The following B4GALNT2 variants were observed in gnomAD, a reference collection of about 807,000 sequenced individuals.
B4GALNT2 encodes beta-1,4-N-acetyl-galactosaminyltransferase 2 (SID blood group).
A neutral mutation model predicts 51.1 loss-of-function variants in B4GALNT2; 42 were observed. The observed-to-expected ratio is 0.82, with a 90% CI of 0.64 to 1.06. The LOEUF is 1.06. B4GALNT2 is among the 50% of genes least tolerant of loss of function. The pLI is 0.00. For missense variants in B4GALNT2, 602 were observed against 633.6 expected (o/e 0.95, Z 0.54); for synonymous variants, 253 against 251.7 (o/e 1.01, Z -0.05).
At chr17:49,123,304 AGCACCT>A in the B4GALNT2 span, among the ~76,000 whole-genome samples, 2 of 152,254 alleles carry the variant, frequency 1.3e-5, no homozygotes, top group African/African-American at 4.8e-5. Flanking sequence ...GCTTATAGGC[AGCACCT>A]GCTCAAACAG....
In B4GALNT2 at chr17:49,142,043, C is replaced by T. The variant is rs201539211; in HGVS notation, c.224C>T (p.Pro75Leu). 44 of 1,614,036 alleles carry T rather than the reference C, an allele frequency of 2.7e-5. No individual in the cohort carries two copies. The highest frequency in any genetic ancestry group is 8.0e-5 in the African/African-American group (6 of 75,020). Residue 75 changes from proline to leucine, a missense_variant, in exon 3 of 11, where the codon CCG becomes CTG. By Grantham distance (98) the Pro-to-Leu change is moderately conservative (BLOSUM62 -3). Transcript: ENST00000393354. ...CCTCTTGCTTGTTTCAGGCTGTTCC[C>T]GAAAAATCAGTGCAAATGTGAAGCC... is the stretch of plus-strand genomic sequence containing the variant. Reference protein sequence around the residue: ...LFSYDGIWLFPKNQCKCEANK... With the variant: ...LFSYDGIWLFLKNQCKCEANK...
chr17:49,145,145 C>T (rs1598202068), intron 3 of B4GALNT2, among the ~76,000 whole-genome samples: 2 of 152,138 alleles, frequency 1.3e-5, no homozygotes, highest in Admixed American at 6.5e-5. Context: ...TCAATCCAAT[C>T]GAATTGACAT....
At chr17:49,151,746 A>C (rs80251200) in intron 3 of B4GALNT2, among the ~76,000 whole-genome samples, 119 of 125,188 alleles carry the variant, frequency 9.5e-4, no homozygotes, top group Middle Eastern at 8.8e-3. Flanking sequence ...CTCTGTCACA[A>C]AAAAAAAAAA....
rs563679667 is a variant in B4GALNT2, at chr17:49,176,347, C to G, written c.*6619C>G. On this transcript the variant is annotated 3_prime_UTR_variant, in exon 11 of 11. Transcript: ENST00000393354. ...AAAGCCCCGAACAGAGTTTGACTCA[C>G]ATGTTTATTGACAGCAAGCCAGTGA... The G allele has an allele frequency of 6.6e-6, 1 of 152,228 alleles. No individual in the cohort carries two copies. The highest frequency in any genetic ancestry group is 1.5e-5 in the Non-Finnish European group (1 of 68,046). 9.4% of individuals were successfully genotyped at this position (152,228 alleles called of 1,614,324 possible).
chr17:49,140,179 C>T lies in B4GALNT2; in HGVS notation c.15-1068C>T, dbSNP rs892550194. ...GCAGTGGCGTGATCTCAGCTCACTG[C>T]GACCTCCGCCTCCCAGGTTCACACC... On this transcript the variant is annotated intron_variant, in intron 1 of 10. Transcript: ENST00000393354. Among the ~76,000 whole-genome samples, 7 of 151,688 alleles carry T rather than the reference C, an allele frequency of 4.6e-5. No individual in the cohort carries two copies. The East Asian group carries it at 5.8e-4, about 13-fold the overall frequency.
intron 3 of B4GALNT2, among the ~76,000 whole-genome samples, chr17:49,150,235 C>T (rs9910257): frequency 2.7e-4 from 28 of 103,954 alleles, no homozygotes; most frequent in Non-Finnish European, 4.2e-4. Flanking sequence ...CCGCCCCGTC[C>T]GGGAGGGAGG....
chr17:49,125,682 C>T, the B4GALNT2 span, among the ~76,000 whole-genome samples: 4 of 120,922 alleles, frequency 3.3e-5, no homozygotes, highest in East Asian at 2.1e-4. Context: ...GCCCTGTGGC[C>T]GCCCCGTCTG....
At chr17:49,124,777 A>T in the B4GALNT2 span, among the ~76,000 whole-genome samples, 1 of 152,224 alleles carries the variant, frequency 6.6e-6, no homozygotes, top group Non-Finnish European at 1.5e-5. Context: ...AAAAATCTTT[A>T]AAAATAGTCT....
chr17:49,141,297 G>A lies in B4GALNT2; in HGVS notation c.65G>A (p.Gly22Asp), dbSNP rs372936734. Residue 22 changes from glycine (G) to aspartate (D), a missense_variant, in exon 2 of 11, where the codon GGC becomes GAC. Gly to Asp is a moderately conservative substitution (Grantham distance 94, BLOSUM62 -1). Coordinates refer to ENST00000393354, the MANE Select transcript of B4GALNT2 (RefSeq NM_001159387.2). The stretch of plus-strand genomic sequence containing the variant: ...ATATTGGTCATAATCCTGGTACTTG[G>A]CATTGTTGGATTTATGTTCGGAAGC... ...LKILVIILVLGIVGFMFGSMF... is the reference protein window; with the variant it reads ...LKILVIILVLDIVGFMFGSMF... 4 of 1,614,044 alleles carry A rather than the reference G, an allele frequency of 2.5e-6. No homozygotes were observed. The South Asian group carries it at 3.3e-5, about 13-fold the overall frequency.
At position 49,150,397 on chromosome 17, in the gene B4GALNT2, T is replaced by C. The variant is rs372692422; in HGVS notation, c.354-2403T>C. Among the ~76,000 whole-genome samples the C allele has an allele frequency of 2.5e-3, 379 of 151,870 alleles. 4 individuals are homozygous for C. Among genetic ancestry groups the C allele is most frequent in the African/African-American group, 8.7e-3 (361 of 41,342 alleles). On this transcript the variant is annotated intron_variant, in intron 3 of 10. Transcript: ENST00000393354. ...CTGGGAAGTGAGGAGCCCCTCTGCC[T>C]GGCCACCACCCCGTCTGGGAGGTGT...
At chr17:49,136,512 A>G (rs1301537160) in intron 1 of B4GALNT2, among the ~76,000 whole-genome samples, 1 of 150,134 alleles carries the variant, frequency 6.7e-6, no homozygotes, top group Non-Finnish European at 1.5e-5. Flanking sequence ...AAGCTCTCAC[A>G]TTAGAGTTTA....
chr17:49,126,124 C>T, the B4GALNT2 span, among the ~76,000 whole-genome samples: 2 of 152,122 alleles, frequency 1.3e-5, no homozygotes, highest in Non-Finnish European at 2.9e-5. Flanking sequence ...AAGAAGTAGA[C>T]ATGGGAAACT....
chr17:49,139,366 G>A (rs1340337311), intron 1 of B4GALNT2, among the ~76,000 whole-genome samples: 1 of 152,008 alleles, frequency 6.6e-6, no homozygotes, highest in Admixed American at 6.5e-5. Flanking sequence ...AGCCTCCCAA[G>A]TAGCTGGGAC....
intron 3 of B4GALNT2, among the ~76,000 whole-genome samples, chr17:49,147,026 G>C (rs979475853): frequency 6.6e-6 from 1 of 152,138 alleles, no homozygotes. Flanking sequence ...TACATTCTTC[G>C]TTACATGTTG....
At chr17:49,136,821 A>G (rs2042595240) in intron 1 of B4GALNT2, among the ~76,000 whole-genome samples, 1 of 152,126 alleles carries the variant, frequency 6.6e-6, no homozygotes, top group Admixed American at 6.6e-5. Context: ...TGCTGGGATT[A>G]CAGGCGTGAA....
intron 1 of B4GALNT2, among the ~76,000 whole-genome samples, chr17:49,137,818 A>T (rs763641940): frequency 5.3e-5 from 8 of 152,184 alleles, no homozygotes; most frequent in African/African-American, 1.9e-4. Flanking sequence ...TATTAAAGAC[A>T]TGTGCTTCCA....
chr17:49,143,334 T>A (rs914437275), intron 3 of B4GALNT2, among the ~76,000 whole-genome samples: 2 of 151,038 alleles, frequency 1.3e-5, no homozygotes, highest in African/African-American at 4.9e-5. Flanking sequence ...GGGCTGAACT[T>A]GATTCTGCCT....
At position 49,168,711 on chromosome 17, in the gene B4GALNT2, C is replaced by T; in HGVS notation, c.1126C>T (p.Gln376Ter). 1 of 1,614,008 alleles carries T rather than the reference C, an allele frequency of 6.2e-7. No individual in the cohort carries two copies. Residue 376 changes from glutamine to a stop codon, truncating the protein, a stop_gained, in exon 10 of 11, where the codon CAG (glutamine) becomes TAG (stop). Coordinates refer to ENST00000393354, the MANE Select transcript of B4GALNT2 (RefSeq NM_001159387.2). LOFTEE classifies it high-confidence loss of function. ...VGGSVLGNVF[Q>*]FKLLLEQSEN... ...CGGCAGTGTGCTGGGAAATGTGTTC[C>T]AGTTTAAGTTGTTGCTGGAACAGAG... is the stretch of plus-strand genomic sequence containing the variant.
the B4GALNT2 span, among the ~76,000 whole-genome samples, chr17:49,125,145 G>C: frequency 6.6e-6 from 1 of 151,770 alleles, no homozygotes; most frequent in African/African-American, 2.4e-5. Context: ...GGTGAGTTTG[G>C]GATTTTATTT....
Sources: allele counts gnomAD v4.1 joint callset (sites outside exome capture counted in the v4.1 genomes callset), GRCh38; gene constraint gnomAD v4.1.1; transcripts MANE v1.5; gene names NCBI Gene and HGNC (gene_info 2026-07-23, HGNC 2026-07-21).